SNTG1: variants seen among roughly 807,000 people sequenced by gnomAD.
The protein encoded by SNTG1 is syntrophin gamma 1.
A neutral mutation model predicts 74.7 loss-of-function variants in SNTG1; 39 were observed. The observed-to-expected ratio is 0.52, with a 90% CI of 0.40 to 0.68. SNTG1 has a LOEUF of 0.68. Among genes scored for constraint, SNTG1 ranks in the 30% least tolerant of loss-of-function variants. SNTG1 has a pLI of 0.00. For synonymous variants in SNTG1, 254 were observed against 217.1 expected, an observed-to-expected ratio of 1.17 and a Z score of -1.49; for missense variants, 685 against 609.5, an observed-to-expected ratio of 1.12 and a Z score of -1.30.
At chr8:50,523,001 T>C (rs1277678774) in intron 9 of SNTG1, among the ~76,000 whole-genome samples, 1 of 152,226 alleles carries the variant, frequency 6.6e-6, no homozygotes, top group Non-Finnish European at 1.5e-5. Context: ...GCCCTAGTTA[T>C]AGCTTCTAAA....
intron 17 of SNTG1, among the ~76,000 whole-genome samples, chr8:50,718,182 G>T (rs192074163): frequency 6.4e-4 from 97 of 152,144 alleles, no homozygotes; most frequent in African/African-American, 2.0e-3. Context: ...GTAGGTCCTG[G>T]GTGTCTAAGT....
chr8:50,507,450 G>A (rs1007287118), intron 9 of SNTG1, among the ~76,000 whole-genome samples: 3 of 151,926 alleles, frequency 2.0e-5, no homozygotes, highest in African/African-American at 7.3e-5. Flanking sequence ...AAACCATCTG[G>A]TCATGGGCCC....
chr8:50,320,362 T>C (rs1184523706), intron 2 of SNTG1, among the ~76,000 whole-genome samples: 2 of 152,190 alleles, frequency 1.3e-5, no homozygotes, highest in East Asian at 3.8e-4. Flanking sequence ...TAATGTTTCA[T>C]TTTTCATCTG....
At chr8:50,484,505 A>G (rs891578515) in intron 8 of SNTG1, among the ~76,000 whole-genome samples, 2 of 150,916 alleles carry the variant, frequency 1.3e-5, no homozygotes, top group Admixed American at 1.3e-4. Context: ...GTGAGCCTCC[A>G]TGCCCAACCT....
intron 13 of SNTG1, among the ~76,000 whole-genome samples, chr8:50,611,550 T>C (rs2094849908): frequency 6.6e-6 from 1 of 152,212 alleles, no homozygotes. Context: ...ATGATATTTA[T>C]TCTATTATAC....
chr8:50,600,172 A>T (rs182886185), intron 13 of SNTG1, among the ~76,000 whole-genome samples: 2 of 152,124 alleles, frequency 1.3e-5, no homozygotes, highest in East Asian at 3.9e-4. Context: ...ATGATGAATG[A>T]TCTTTTTAGT....
chr8:50,526,914 G>C (rs35420171), intron 9 of SNTG1, among the ~76,000 whole-genome samples: 4 of 151,936 alleles, frequency 2.6e-5, no homozygotes, highest in African/African-American at 9.7e-5. Flanking sequence ...GAGGCACCGC[G>C]CCCGGCCCGA....
intron 2 of SNTG1, among the ~76,000 whole-genome samples, chr8:50,219,988 A>G (rs2084981986): frequency 6.6e-6 from 1 of 152,182 alleles, no homozygotes; most frequent in Non-Finnish European, 1.5e-5. Context: ...AACTTACCTA[A>G]ACATAGTAAC....
intron 2 of SNTG1, among the ~76,000 whole-genome samples, chr8:50,298,307 T>C (rs567433687): frequency 8.3e-4 from 126 of 152,300 alleles, no homozygotes; most frequent in African/African-American, 2.9e-3. Flanking sequence ...AAGATTCAGA[T>C]ACATGAGACT....
intron 1 of SNTG1, among the ~76,000 whole-genome samples, chr8:50,129,080 A>G (rs1453467230): frequency 6.6e-6 from 1 of 152,164 alleles, no homozygotes; most frequent in Non-Finnish European, 1.5e-5. Context: ...AAAATTGCAT[A>G]TATCTTAACT....
chr8:50,770,235 G>A (rs2095623793), intron 18 of SNTG1, among the ~76,000 whole-genome samples: 1 of 152,036 alleles, frequency 6.6e-6, no homozygotes, highest in Non-Finnish European at 1.5e-5. Context: ...AATGACTTTT[G>A]AAATTCCACT....
chr8:49,957,600 C>T (rs200160660), intron 1 of SNTG1, among the ~76,000 whole-genome samples: 1 of 152,108 alleles, frequency 6.6e-6, no homozygotes, highest in Non-Finnish European at 1.5e-5. Flanking sequence ...ATGCAGAGAA[C>T]CCTCGATTAC....
intron 17 of SNTG1, among the ~76,000 whole-genome samples, chr8:50,735,508 G>A (rs2095526136): frequency 6.6e-6 from 1 of 151,776 alleles, no homozygotes; most frequent in South Asian, 2.1e-4. Context: ...CGATCAATCA[G>A]AAGAAAGGGT....
chr8:50,389,359 A>G lies in SNTG1; in HGVS notation c.-27-4853A>G, dbSNP rs544998402. Among the ~76,000 whole-genome samples, 5 of 152,214 alleles carry G rather than the reference A, an allele frequency of 3.3e-5. No homozygotes were observed. In the South Asian group the frequency reaches 1.0e-3, roughly 32 times the overall value. The stretch of plus-strand genomic sequence containing the variant: ...GAAACTATGTTTCTCACTGTCAGAG[A>G]CTTATCCAGTGGAAATACTTAATCG... On this transcript the variant is annotated intron_variant, in intron 2 of 18. Transcript: ENST00000642720.
At chr8:50,585,927 G>T (rs553080721) in intron 12 of SNTG1, among the ~76,000 whole-genome samples, 26 of 152,214 alleles carry the variant, frequency 1.7e-4, no homozygotes, top group African/African-American at 6.0e-4. Context: ...CCTAGAGAAT[G>T]GTTGTAAACA....
intron 18 of SNTG1, among the ~76,000 whole-genome samples, chr8:50,785,390 T>A (rs2095671850): frequency 6.6e-6 from 1 of 151,976 alleles, no homozygotes; most frequent in Non-Finnish European, 1.5e-5. Flanking sequence ...AACGTAACTA[T>A]AAATAATTGC....
chr8:50,423,530 T>C (rs1336244317), intron 4 of SNTG1, among the ~76,000 whole-genome samples: 1 of 152,234 alleles, frequency 6.6e-6, no homozygotes. Context: ...TCTTTATCTT[T>C]TCTCCTATGT....
chr8:50,303,011 G>A (rs890702621), intron 2 of SNTG1, among the ~76,000 whole-genome samples: 1 of 152,102 alleles, frequency 6.6e-6, no homozygotes, highest in Non-Finnish European at 1.5e-5. Context: ...ACTAATGAAT[G>A]TATTCATATC....
intron 1 of SNTG1, among the ~76,000 whole-genome samples, chr8:50,084,294 TA>T (rs890904957): frequency 1.3e-5 from 2 of 150,754 alleles, no homozygotes; most frequent in Non-Finnish European, 3.0e-5. Context: ...ACCCCATCTC[TA>T]AAAAAAAACA....
Sources: allele counts gnomAD v4.1 joint callset (sites outside exome capture counted in the v4.1 genomes callset), GRCh38; gene constraint gnomAD v4.1.1; transcripts MANE v1.5; gene names NCBI Gene and HGNC (gene_info 2026-07-23, HGNC 2026-07-21).